Variants in CNOT6L observed in about 807,000 individuals in gnomAD.
CNOT6L encodes CCR4-NOT transcription complex subunit 6 like.
CNOT6L carries 7 observed loss-of-function variants against 64.0 expected under a neutral mutation model. That is an observed-to-expected ratio of 0.11 (90% CI 0.06 to 0.21). The LOEUF (loss-of-function observed/expected upper bound fraction) is 0.21. CNOT6L is among the 10% of genes least tolerant of loss of function. CNOT6L has a pLI of 1.00. For missense variants in CNOT6L, 245 were observed against 669.0 expected (o/e 0.37, Z 6.99); for synonymous variants, 193 against 243.4 (o/e 0.79, Z 1.93).
chr4:77,753,080 G>A (rs1391883712), intron 5 of CNOT6L, among the ~76,000 whole-genome samples: 1 of 150,558 alleles, frequency 6.6e-6, no homozygotes, highest in Non-Finnish European at 1.5e-5. Flanking sequence ...CATAAAATGG[G>A]CAAATTTCCA....
chr4:77,784,759 C>T (rs1295809487), intron 1 of CNOT6L, among the ~76,000 whole-genome samples: 1 of 152,184 alleles, frequency 6.6e-6, no homozygotes, highest in African/African-American at 2.4e-5. Flanking sequence ...GCTGGAATTA[C>T]AGGTATGAGC....
intron 3 of CNOT6L, 146 bp downstream of exon 3, chr4:77,774,384 G>A: frequency 1.7e-6 from 1 of 583,634 alleles, no homozygotes; most frequent in Non-Finnish European, 2.8e-6. Flanking sequence ...ATGTTCAACG[G>A]AGGCCAACTC....
At chr4:77,731,896 C>A (rs1722478614) in intron 8 of CNOT6L, 3 of 171,548 alleles carry the variant, frequency 1.7e-5, no homozygotes, top group African/African-American at 4.7e-5. Context: ...TATTTCTGGA[C>A]TTCTTGTGTG....
chr4:77,742,682 T>C (rs1723720959), intron 7 of CNOT6L, among the ~76,000 whole-genome samples: 1 of 152,170 alleles, frequency 6.6e-6, no homozygotes, highest in Non-Finnish European at 1.5e-5. Context: ...AAAGGTAATT[T>C]AAAAACTTGC....
chr4:77,724,335 G>A (rs1379487636), intron 11 of CNOT6L, among the ~76,000 whole-genome samples: 1 of 139,868 alleles, frequency 7.1e-6, no homozygotes, highest in African/African-American at 2.7e-5. Flanking sequence ...GTGAGACCCT[G>A]TCTCAAAAAA....
intron 5 of CNOT6L, among the ~76,000 whole-genome samples, chr4:77,754,205 T>C (rs746455360): frequency 3.9e-5 from 6 of 152,200 alleles, no homozygotes; most frequent in Non-Finnish European, 5.9e-5. Flanking sequence ...TGGTTGAATA[T>C]GTTCTTTAGC....
chr4:77,762,823 G>T (rs574484265), intron 4 of CNOT6L, among the ~76,000 whole-genome samples: 2 of 152,260 alleles, frequency 1.3e-5, no homozygotes, highest in South Asian at 4.1e-4. Context: ...AGGCATAAAT[G>T]AATTTTGGAG....
intron 1 of CNOT6L, among the ~76,000 whole-genome samples, chr4:77,797,326 A>G (rs543094091): frequency 6.6e-6 from 1 of 152,238 alleles, no homozygotes; most frequent in African/African-American, 2.4e-5. Context: ...GGGTCAAAAG[A>G]TATTAAATGG....
rs755143372 is a variant in CNOT6L, at chr4:77,726,208, T to C, written c.1414A>G (p.Asn472Asp). The C allele has an allele frequency of 3.7e-6, 6 of 1,613,750 alleles. No individual in the cohort carries two copies. The African/African-American group carries it at 8.0e-5, about 22-fold the overall frequency. ...TAATTGGTGTAAGGCATCAAGTTAT[T>C]TTCATAGGCGCTCTTAAGTTGGAAG... ...HGFQLKSAYE[N>D]NLMPYTNYTF... The change falls in exon 11 of 12, where the codon AAT becomes GAT. Residue 472 changes from asparagine to aspartate, a missense_variant. Coordinates refer to ENST00000504123, the MANE Select transcript of CNOT6L (RefSeq NM_144571.3).
chr4:77,773,994 TA>T (rs1727889593), intron 3 of CNOT6L, among the ~76,000 whole-genome samples: 1 of 152,142 alleles, frequency 6.6e-6, no homozygotes, highest in African/African-American at 2.4e-5. Context: ...TAGCAATTTT[TA>T]AAAATTATTA....
intron 5 of CNOT6L, among the ~76,000 whole-genome samples, chr4:77,750,697 T>C (rs1157162486): frequency 1.3e-5 from 2 of 152,094 alleles, no homozygotes; most frequent in African/African-American, 2.4e-5. Context: ...CCAAATGATA[T>C]CACCAATGAT....
At chr4:77,802,038 T>C (rs1269540739) in intron 1 of CNOT6L, among the ~76,000 whole-genome samples, 3 of 152,258 alleles carry the variant, frequency 2.0e-5, no homozygotes, top group Non-Finnish European at 2.9e-5. Flanking sequence ...TATAACAGTT[T>C]ATACATAATT....
At chr4:77,819,372 AAC>A (rs573178011), upstream of CNOT6L, 6,449 of 1,591,636 alleles carry the variant, frequency 4.1e-3, 63 homozygotes, top group South Asian at 0.023. Context: ...CACACACACA[AAC>A]ACGCGCGCGC....
chr4:77,813,795 GATGGAA>G (rs1297236730), intron 1 of CNOT6L, among the ~76,000 whole-genome samples: 1 of 152,176 alleles, frequency 6.6e-6, no homozygotes, highest in Non-Finnish European at 1.5e-5. Flanking sequence ...ATACACTGCT[GATGGAA>G]ATGTAAAATA....
chr4:77,803,504 A>C (rs999983052), intron 1 of CNOT6L, among the ~76,000 whole-genome samples: 3 of 152,202 alleles, frequency 2.0e-5, no homozygotes, highest in Non-Finnish European at 4.4e-5. Flanking sequence ...AAGTTTTTTC[A>C]CTGCATTAGT....
intron 2 of CNOT6L, 91 bp from the exon 3 acceptor site, chr4:77,774,807 C>A: frequency 9.6e-6 from 7 of 725,410 alleles, no homozygotes; most frequent in Non-Finnish European, 1.3e-5. Flanking sequence ...AGAGAGGCTG[C>A]AAATACACAT....
intron 6 of CNOT6L, among the ~76,000 whole-genome samples, chr4:77,747,894 C>A (rs527551314): frequency 4.2e-4 from 64 of 152,268 alleles, no homozygotes; most frequent in African/African-American, 1.3e-3. Flanking sequence ...CAAGAAAGAT[C>A]AAGTACTTCT....
chr4:77,737,826 T>C (rs1723146852), intron 8 of CNOT6L, among the ~76,000 whole-genome samples: 1 of 152,142 alleles, frequency 6.6e-6, no homozygotes, highest in Non-Finnish European at 1.5e-5. Context: ...GTACAGAAAC[T>C]GTAGTACAAA....
In CNOT6L at chr4:77,718,880, C is replaced by CTT. The variant is rs1347664953; in HGVS notation, c.*1549_*1550dup. 1 of 152,508 alleles carries CTT rather than the reference C, an allele frequency of 6.6e-6. No individual in the cohort carries two copies. The allele number at this position is 152,508 out of a possible 1,614,324, so 9.4% of individuals were successfully genotyped here. On this transcript the variant is annotated 3_prime_UTR_variant, in exon 12 of 12. Transcript: ENST00000504123. ...TTAAATAATTTAAATTTGACCTATA[C>CTT]TTTATATATTAGTGAGACACAAATA...
Sources: gnomAD v4.1 joint callset for allele counts (sites outside exome capture counted in the v4.1 genomes callset) on GRCh38, gnomAD v4.1.1 for gene constraint, MANE v1.5 for transcripts, NCBI Gene and HGNC (gene_info 2026-07-23, HGNC 2026-07-21) for gene names.